Variants in MTCL1 observed in about 807,000 individuals in gnomAD.
MTCL1 encodes microtubule cross-linking factor 1.
In MTCL1, 79 loss-of-function variants were observed where a neutral mutation model predicts 141.4. That is an observed-to-expected ratio of 0.56 (90% CI 0.47 to 0.67). MTCL1 has a LOEUF of 0.67. Among genes scored for constraint, MTCL1 ranks in the 30% least tolerant of loss-of-function variants. The pLI, the probability that MTCL1 is intolerant of heterozygous loss-of-function variation, is 0.00. For missense variants in MTCL1, 2,177 were observed against 2,113.9 expected (o/e 1.03, Z -0.59); for synonymous variants, 914 against 875.8 (o/e 1.04, Z -0.77).
At chr18:8,743,890 A>G (rs894869100) in intron 4 of MTCL1, among the ~76,000 whole-genome samples, 2 of 152,192 alleles carry the variant, frequency 1.3e-5, no homozygotes, top group East Asian at 1.9e-4. Flanking sequence ...TCTGGCTACT[A>G]TAGTAGGAAA....
intron 4 of MTCL1, among the ~76,000 whole-genome samples, chr18:8,723,171 A>G (rs919284648): frequency 5.3e-5 from 8 of 152,190 alleles, no homozygotes; most frequent in African/African-American, 1.9e-4. Context: ...GAATCATAGA[A>G]CCGACAGGAG....
At chr18:8,713,466 A>T (rs1025260198), upstream of MTCL1, among the ~76,000 whole-genome samples, 1 of 152,340 alleles carries the variant, frequency 6.6e-6, no homozygotes, top group African/African-American at 2.4e-5. Flanking sequence ...TAGTTGGCAG[A>T]TGTCATTAAG....
In MTCL1 at chr18:8,779,201, T is replaced by A. The variant is rs1285579886; in HGVS notation, c.417+1309T>A. Reference sequence around the variant, plus strand: ...ATATACAGAGAGCGATATATTTCTGTTGCTTGACAAGGCCTTTCCCGCTGG... The same window carrying A: ...ATATACAGAGAGCGATATATTTCTGATGCTTGACAAGGCCTTTCCCGCTGG... On this transcript the variant is annotated intron_variant, in intron 5 of 16. Transcript: ENST00000359865. This position sits in a 1 kb window ranked among gnomAD's most constrained non-coding sequence, Gnocchi z 4.1. 6.6e-6 allele frequency among the ~76,000 whole-genome samples: 1 copy of A among 152,208 alleles called. No homozygotes were observed. Among genetic ancestry groups the A allele is most frequent in the African/African-American group, 2.4e-5 (1 of 41,452 alleles).
intron 7 of MTCL1, chr18:8,786,850 C>T (rs932031546): frequency 1.3e-5 from 2 of 159,070 alleles, no homozygotes; most frequent in African/African-American, 4.8e-5. Flanking sequence ...AGGGGGAAAG[C>T]GTGTCACAGC....
At chr18:8,795,076 A>G (rs1280247179) in intron 8 of MTCL1, among the ~76,000 whole-genome samples, 1 of 152,238 alleles carries the variant, frequency 6.6e-6, no homozygotes, top group Non-Finnish European at 1.5e-5. Flanking sequence ...GATGAATAAA[A>G]TCACCTGTTT....
intron 4 of MTCL1, among the ~76,000 whole-genome samples, chr18:8,736,751 C>T (rs1236497628): frequency 1.3e-5 from 2 of 151,548 alleles, no homozygotes; most frequent in Non-Finnish European, 2.9e-5. Flanking sequence ...CATTCTCCTG[C>T]CTCAGCCTCC....
chr18:8,774,164 A>G (rs1288075165), intron 4 of MTCL1, among the ~76,000 whole-genome samples: 1 of 152,164 alleles, frequency 6.6e-6, no homozygotes, highest in Non-Finnish European at 1.5e-5. Context: ...CCTGAGGGCC[A>G]TGGTTCGCCA....
Position 8,720,622 on chromosome 18 carries a change from C to T in MTCL1, c.357+126C>T, listed in dbSNP as rs140810078. On this transcript the variant is annotated intron_variant, in intron 4 of 16. Coordinates refer to ENST00000359865, the Ensembl canonical transcript of MTCL1. ...CAAATCGTGGCCTGTTTGTTTGGCT[C>T]ATAAGTTAGATTGTTTTTACATTTT... 5.3e-5 allele frequency: 46 copies of T among 864,608 alleles called. No individual in the cohort carries two copies. The African/African-American group carries it at 6.6e-4, about 12-fold the overall frequency. The allele number at this position is 864,608 out of a possible 1,614,324, so 53.6% of individuals were successfully genotyped here. A position where few individuals can be genotyped will look rare whatever the true frequency, so the allele number is the denominator to read the frequency against.
At chr18:8,817,486 T>C (rs2076695054) in intron 12 of MTCL1, among the ~76,000 whole-genome samples, 1 of 152,210 alleles carries the variant, frequency 6.6e-6, no homozygotes. Context: ...AAATCTCTGT[T>C]CTGCCACCTT....
chr18:8,706,747 C>T (rs1332522273), intron 1 of MTCL1, 34 bp downstream of exon 1: 2 of 1,541,306 alleles, frequency 1.3e-6, no homozygotes, highest in Admixed American at 2.0e-5. Context: ...TGTCCCGGGG[C>T]GCCCCCGGAG....
intron 10 of MTCL1, 41 bp from the exon 10 acceptor site, chr18:8,806,852 G>A (rs758590151): frequency 8.3e-5 from 132 of 1,588,542 alleles, no homozygotes; most frequent in Non-Finnish European, 9.7e-5. Flanking sequence ...TAAAAAATAC[G>A]CTTAAAGGAG....
At position 8,777,599 on chromosome 18, in the gene MTCL1, G is replaced by A. The variant is rs139702745; in HGVS notation, c.358-234G>A. Reference sequence around the variant, plus strand: ...AGGAATACCCCAAATACAATAATTAGGATTTTAAGAATCTTAAGATTCAGA... The same window carrying A: ...AGGAATACCCCAAATACAATAATTAAGATTTTAAGAATCTTAAGATTCAGA... On this transcript the variant is annotated intron_variant, in intron 4 of 16. Coordinates refer to ENST00000359865, the Ensembl canonical transcript of MTCL1. 2.0e-5 allele frequency among the ~76,000 whole-genome samples: 3 copies of A among 152,202 alleles called. No homozygotes were observed. In the East Asian group the frequency reaches 5.8e-4, roughly 29 times the overall value.
Position 8,807,121 on chromosome 18 carries a change from G to A in MTCL1, c.2604+61G>A, listed in dbSNP as rs1598750011. 2.0e-6 allele frequency: 3 copies of A among 1,523,582 alleles called. No homozygotes were observed. The East Asian group carries it at 7.1e-5, about 36-fold the overall frequency. 94.4% of individuals were successfully genotyped at this position (1,523,582 alleles called of 1,614,324 possible). On this transcript the variant is annotated intron_variant, in intron 11 of 16. Transcript: ENST00000359865. ...TGTGTCTCTGCTGTCCAGGATATGT[G>A]GCGGGGGAGCGGGCACAGAGAGATT... is the stretch of plus-strand genomic sequence containing the variant.
intron 4 of MTCL1, among the ~76,000 whole-genome samples, chr18:8,725,197 A>T (rs140220651): frequency 1.1e-3 from 162 of 152,210 alleles, no homozygotes; most frequent in African/African-American, 3.6e-3. Flanking sequence ...GACTATATAC[A>T]TGTTCTAGAT....
At chr18:8,735,083 A>G (rs1316581510) in intron 4 of MTCL1, among the ~76,000 whole-genome samples, 1 of 152,206 alleles carries the variant, frequency 6.6e-6, no homozygotes, top group East Asian at 1.9e-4. Context: ...TAGCTAGGAT[A>G]TATAATTACT....
chr18:8,744,015 A>G (rs1463180021), intron 4 of MTCL1, among the ~76,000 whole-genome samples: 3 of 152,216 alleles, frequency 2.0e-5, no homozygotes, highest in African/African-American at 7.2e-5. Context: ...ATACTTCCAA[A>G]TCTTCATCTA....
At chr18:8,777,928 T>G in intron 5 of MTCL1, 36 bp downstream of exon 4, 1 of 1,582,862 alleles carries the variant, frequency 6.3e-7, no homozygotes, top group Non-Finnish European at 8.7e-7. Flanking sequence ...TTACATCTCC[T>G]ATAAGTGAAG....
In MTCL1 at chr18:8,784,856, G is replaced by A. The variant is rs749778242; in HGVS notation, c.1731+13G>A. On this transcript the variant is annotated intron_variant, in intron 6 of 16. Coordinates refer to ENST00000359865, the Ensembl canonical transcript of MTCL1. ...CCCAGACTTGCAGGTAAGGGGGCTCGTGGCTTCGCCTCCCTGCTCCGCCTT... is the reference window on the plus strand; with the variant it reads ...CCCAGACTTGCAGGTAAGGGGGCTCATGGCTTCGCCTCCCTGCTCCGCCTT... 2.6e-6 allele frequency: 4 copies of A among 1,562,714 alleles called. No individual in the cohort carries two copies. Among genetic ancestry groups the A allele is most frequent in the Non-Finnish European group, 3.5e-6 (4 of 1,153,158 alleles).
chr18:8,784,803 C>T, exon 6 of MTCL1: 1 of 1,607,496 alleles, frequency 6.2e-7, no homozygotes, highest in Non-Finnish European at 8.5e-7. Flanking sequence ...CGGGACTCCC[C>T]CATCGGGAAC....
Sources: gnomAD v4.1 joint callset for allele counts (sites outside exome capture counted in the v4.1 genomes callset) on GRCh38, gnomAD v4.1.1 for gene constraint, Gnocchi (gnomAD v3.1) non-coding constraint, MANE v1.5 for transcripts, NCBI Gene and HGNC (gene_info 2026-07-23, HGNC 2026-07-21) for gene names.